PPP2R5E: variants seen among roughly 807,000 people sequenced by gnomAD.
PPP2R5E encodes serine/threonine-protein phosphatase 2A 56 kDa regulatory subunit epsilon isoform.
A neutral mutation model predicts 65.3 loss-of-function variants in PPP2R5E; 4 were observed. The ratio of observed to expected loss-of-function variants is 0.06; its 90% CI spans 0.03 to 0.14. PPP2R5E has a LOEUF of 0.14. Ranked by LOEUF, PPP2R5E falls within the 10% of genes least tolerant of loss-of-function variation. The pLI is 1.00. For synonymous variants in PPP2R5E, 183 were observed against 187.4 expected (o/e 0.98, Z 0.19); for missense variants, 274 against 556.1 (o/e 0.49, Z 5.10).
At chr14:63,530,626 ATTTC>A (rs1893381890) in intron 2 of PPP2R5E, among the ~76,000 whole-genome samples, 1 of 131,384 alleles carries the variant, frequency 7.6e-6, no homozygotes, top group Admixed American at 8.0e-5. Context: ...CTGACTCTCA[ATTTC>A]TTTTTTTTTT....
rs1224994777 is a variant in PPP2R5E, at chr14:63,415,170, T to C, written c.519A>G (p.Lys173=). 6.2e-7 allele frequency: 1 copy of C among 1,600,352 alleles called. No homozygotes were observed. The highest frequency in any genetic ancestry group is 8.6e-7 in the Non-Finnish European group (1 of 1,168,066). The change falls in exon 5 of 14, where the codon AAA becomes AAG. Residue 173 remains lysine, a synonymous_variant. Coordinates refer to ENST00000337537, the MANE Select transcript of PPP2R5E (RefSeq NM_006246.5). ...ESQEFQPSIA[K]KYIDQKFVLQ... ...ATACAAATTTCTGATCTATATATTT[T>C]TTGGCAATGCTGGGTTGGAATTCTT...
At chr14:63,391,655 T>C (rs558454840) in intron 10 of PPP2R5E, among the ~76,000 whole-genome samples, 162 bp downstream of exon 10, 1 of 152,314 alleles carries the variant, frequency 6.6e-6, no homozygotes, top group East Asian at 1.9e-4. Context: ...ACTCCCGACC[T>C]CAGGTGATCT....
chr14:63,385,401 T>G (rs1884602790), intron 11 of PPP2R5E, among the ~76,000 whole-genome samples: 1 of 152,182 alleles, frequency 6.6e-6, no homozygotes, highest in East Asian at 1.9e-4. Flanking sequence ...AGTTTTCCTG[T>G]TAATTTATAT....
At chr14:63,498,720 G>A (rs1891706439) in intron 2 of PPP2R5E, among the ~76,000 whole-genome samples, 1 of 152,050 alleles carries the variant, frequency 6.6e-6, no homozygotes, top group Non-Finnish European at 1.5e-5. Context: ...CACTGATCCA[G>A]CCTTAAATAA....
In PPP2R5E at chr14:63,520,859, C is replaced by CAAAA. The variant is rs748146106; in HGVS notation, c.157+18666_157+18669dup. Among the ~76,000 whole-genome samples, 263 of 58,474 alleles carry CAAAA rather than the reference C, an allele frequency of 4.5e-3. 18 individuals are homozygous for CAAAA. The highest frequency in any genetic ancestry group is 6.5e-3 in the South Asian group (5 of 770). 38.4% of individuals were successfully genotyped at this position (58,474 alleles called of 152,430 possible). A position where few individuals can be genotyped will look rare whatever the true frequency, so the allele number is the denominator to read the frequency against. On this transcript the variant is annotated intron_variant, in intron 2 of 13. Coordinates refer to ENST00000337537, the MANE Select transcript of PPP2R5E (RefSeq NM_006246.5). ...TGAAACCTCATCTCTACTAAAAATA[C>CAAAA]AAAAAAAAAAAAAAAAAAAAAAAAA...
In PPP2R5E at chr14:63,474,877, C is replaced by T. The variant is rs564217548; in HGVS notation, c.158-20992G>A. ...GAAGCAGAAGGAGCTCTGAAGAAAC[C>T]CAACACTTACAAGTTGAGTAGAGGA... On this transcript the variant is annotated intron_variant, in intron 2 of 13. Transcript: ENST00000337537. 2.1e-4 allele frequency among the ~76,000 whole-genome samples: 32 copies of T among 152,048 alleles called. 1 individual carries two copies. Among genetic ancestry groups the T allele is most frequent in the African/African-American group, 7.5e-4 (31 of 41,452 alleles).
At chr14:63,434,428 C>T (rs201473625) in intron 3 of PPP2R5E, among the ~76,000 whole-genome samples, 2 of 152,218 alleles carry the variant, frequency 1.3e-5, no homozygotes, top group Admixed American at 6.5e-5. Flanking sequence ...TTCAAATGAA[C>T]GCCTCCAAGT....
At chr14:63,376,235 T>C (rs1883975816) in intron 13 of PPP2R5E, 127 bp from the exon 14 acceptor site, 1 of 632,628 alleles carries the variant, frequency 1.6e-6, no homozygotes, top group Non-Finnish European at 2.6e-6. Flanking sequence ...AACTTTAAAA[T>C]TACTAAGAAA....
intron 2 of PPP2R5E, 64 bp downstream of exon 2, chr14:63,539,465 A>G (rs1893798617): frequency 6.6e-7 from 1 of 1,516,092 alleles, no homozygotes; most frequent in Non-Finnish European, 8.9e-7. Flanking sequence ...TACAAAAAGG[A>G]AATTATATAT....
intron 13 of PPP2R5E, 41 bp from the exon 14 acceptor site, chr14:63,376,149 A>G (rs1883971596): frequency 7.4e-7 from 1 of 1,352,798 alleles, no homozygotes; most frequent in East Asian, 2.3e-5. Flanking sequence ...GCTGAGGTTT[A>G]ATGAGATTAT....
chr14:63,522,506 T>G (rs1892964883), intron 2 of PPP2R5E, among the ~76,000 whole-genome samples: 1 of 150,658 alleles, frequency 6.6e-6, no homozygotes. Flanking sequence ...GAGAAACGCC[T>G]CTTCCCGGCC....
chr14:63,514,262 A>G (rs1892574268), intron 2 of PPP2R5E, among the ~76,000 whole-genome samples: 1 of 152,180 alleles, frequency 6.6e-6, no homozygotes, highest in African/African-American at 2.4e-5. Flanking sequence ...CACCTCCTAC[A>G]TGCCAGACAC....
intron 5 of PPP2R5E, among the ~76,000 whole-genome samples, chr14:63,404,076 T>C (rs1885925368): frequency 6.6e-6 from 1 of 152,196 alleles, no homozygotes; most frequent in Non-Finnish European, 1.5e-5. Context: ...GTGTGGTTAC[T>C]TCTAGGAAAT....
rs1160961574 is a variant in PPP2R5E, at chr14:63,393,936, G to GA, written c.741-9dup. ...GCAAAGCCATTGATAATACTAGGGA[G>GA]AAAAAAGAGACACAAATTAGCAATG... On this transcript the variant is annotated splice_polypyrimidine_tract_variant and intron_variant, in intron 7 of 13. Transcript: ENST00000337537. 7 of 1,506,444 alleles carry GA rather than the reference G, an allele frequency of 4.6e-6. No homozygotes were observed. Among genetic ancestry groups the GA allele is most frequent in the East Asian group, 2.3e-5 (1 of 44,310 alleles). 93.3% of individuals were successfully genotyped at this position (1,506,444 alleles called of 1,614,324 possible).
At chr14:63,521,953 C>CTCCCCG (rs1892924936) in intron 2 of PPP2R5E, among the ~76,000 whole-genome samples, 1 of 130,754 alleles carries the variant, frequency 7.6e-6, no homozygotes, top group Non-Finnish European at 1.6e-5. Flanking sequence ...CCCCCTCCCC[C>CTCCCCG]TCCCCCTCCC....
chr14:63,415,085 T>G, intron 5 of PPP2R5E, 55 bp downstream of exon 5: 2,032 of 1,240,740 alleles, frequency 1.6e-3, no homozygotes, highest in Non-Finnish European at 2.1e-3. Context: ...GAAGAGAAAA[T>G]GAGATAAAGT....
At chr14:63,510,329 T>C (rs750567146) in intron 2 of PPP2R5E, among the ~76,000 whole-genome samples, 18 of 152,198 alleles carry the variant, frequency 1.2e-4, no homozygotes, top group Non-Finnish European at 2.1e-4. Context: ...TTAGGTGGCA[T>C]ACACCCTGCA....
At chr14:63,470,723 T>G (rs1221841283) in intron 2 of PPP2R5E, among the ~76,000 whole-genome samples, 3 of 124,508 alleles carry the variant, frequency 2.4e-5, no homozygotes, top group South Asian at 2.6e-4. Flanking sequence ...ATCAACAGAT[T>G]AAAAAAAAAA....
intron 2 of PPP2R5E, among the ~76,000 whole-genome samples, chr14:63,506,512 T>C (rs1356315915): frequency 6.6e-6 from 1 of 152,144 alleles, no homozygotes; most frequent in Non-Finnish European, 1.5e-5. Context: ...GCAAAGGATT[T>C]GAATAGACAT....
Sources: gnomAD v4.1 joint callset for allele counts (sites outside exome capture counted in the v4.1 genomes callset) on GRCh38, gnomAD v4.1.1 for gene constraint, MANE v1.5 for transcripts, NCBI Gene and HGNC (gene_info 2026-07-23, HGNC 2026-07-21) for gene names.